LRRC69: variants seen among roughly 807,000 people sequenced by gnomAD.
LRRC69 encodes the protein leucine-rich repeat-containing protein 69.
In LRRC69, 42 loss-of-function variants were observed where a neutral mutation model predicts 37.8. The observed-to-expected ratio is 1.11, with a 90% CI of 0.87 to 1.44. The LOEUF (loss-of-function observed/expected upper bound fraction) is 1.44. Ranked by LOEUF, LRRC69 falls within the 40% of genes most tolerant of loss-of-function variation. The pLI is 0.00. For synonymous variants in LRRC69, 141 were observed against 143.1 expected, an observed-to-expected ratio of 0.99 and a Z score of 0.11; for missense variants, 357 against 401.9, an observed-to-expected ratio of 0.89 and a Z score of 0.96.
At chr8:91,193,103 G>T (rs1809530215) in intron 6 of LRRC69, among the ~76,000 whole-genome samples, 1 of 140,504 alleles carries the variant, frequency 7.1e-6, no homozygotes, top group South Asian at 2.5e-4. Context: ...ATTAAATAGG[G>T]AATCCTTTCC....
chr8:91,172,647 C>G (rs1246853291), intron 5 of LRRC69, among the ~76,000 whole-genome samples: 1 of 151,962 alleles, frequency 6.6e-6, no homozygotes, highest in African/African-American at 2.4e-5. Flanking sequence ...TCCCGAGTAG[C>G]TGGGACTACA....
At chr8:91,137,973 A>G (rs1049382836) in intron 5 of LRRC69, among the ~76,000 whole-genome samples, 2 of 152,044 alleles carry the variant, frequency 1.3e-5, no homozygotes, top group African/African-American at 4.8e-5. Flanking sequence ...AGTCATATAC[A>G]CATGGATTTA....
chr8:91,156,640 T>TA (rs891661073), intron 5 of LRRC69, among the ~76,000 whole-genome samples: 14 of 150,946 alleles, frequency 9.3e-5, no homozygotes, highest in East Asian at 3.9e-4. Flanking sequence ...ATTCTCTTTT[T>TA]AAAAAAAATA....
intron 5 of LRRC69, among the ~76,000 whole-genome samples, chr8:91,187,324 T>C (rs940853890): frequency 1.3e-5 from 2 of 152,246 alleles, no homozygotes; most frequent in Non-Finnish European, 2.9e-5. Context: ...TGAGACTTCA[T>C]GTCTTGCCAC....
intron 5 of LRRC69, chr8:91,157,417 A>T (rs764019450): frequency 6.2e-7 from 1 of 1,607,834 alleles, no homozygotes; most frequent in African/African-American, 1.3e-5. Flanking sequence ...TGTGGATCCC[A>T]CTAAAGATAT....
At chr8:91,182,064 C>T (rs955606226) in intron 5 of LRRC69, among the ~76,000 whole-genome samples, 1 of 152,114 alleles carries the variant, frequency 6.6e-6, no homozygotes, top group African/African-American at 2.4e-5. Flanking sequence ...TATTTTCCAA[C>T]ATTTAAATGA....
intron 1 of LRRC69, among the ~76,000 whole-genome samples, chr8:91,121,986 T>C (rs1374799994): frequency 1.3e-5 from 2 of 152,114 alleles, no homozygotes; most frequent in African/African-American, 2.4e-5. Flanking sequence ...CTTTGACATA[T>C]GATGAAATCT....
intron 1 of LRRC69, among the ~76,000 whole-genome samples, chr8:91,119,428 A>G (rs1353915686): frequency 6.6e-6 from 1 of 151,948 alleles, no homozygotes; most frequent in Non-Finnish European, 1.5e-5. Flanking sequence ...CTTAGTTTTG[A>G]CTTTGAAATC....
At chr8:91,182,172 A>G (rs1306687718) in intron 5 of LRRC69, among the ~76,000 whole-genome samples, 2 of 152,160 alleles carry the variant, frequency 1.3e-5, no homozygotes, top group Admixed American at 1.3e-4. Flanking sequence ...AATTACAACT[A>G]TACAACCCAT....
intron 5 of LRRC69, chr8:91,158,729 A>T: frequency 2.0e-6 from 2 of 986,348 alleles, no homozygotes; most frequent in Non-Finnish European, 3.3e-6. Context: ...TTGTTCTACA[A>T]AATGAAGACA....
chr8:91,188,721 C>T (rs1429837861), intron 5 of LRRC69, among the ~76,000 whole-genome samples: 1 of 152,080 alleles, frequency 6.6e-6, no homozygotes, highest in Non-Finnish European at 1.5e-5. Flanking sequence ...CTTTTCTCTT[C>T]TTATTCTCTT....
chr8:91,135,733 A>T (rs762515288), exon 5 of LRRC69: 4 of 1,433,604 alleles, frequency 2.8e-6, no homozygotes, highest in Non-Finnish European at 3.7e-6. Context: ...AGATATTTCC[A>T]TCAGGAGTAA....
At chr8:91,151,963 G>C (rs10093640) in intron 5 of LRRC69, among the ~76,000 whole-genome samples, 1 of 150,864 alleles carries the variant, frequency 6.6e-6, no homozygotes, top group Non-Finnish European at 1.5e-5. Context: ...AAGTGTGTTC[G>C]TGTCCTTTGC....
chr8:91,197,585 G>T (rs1809634354), intron 6 of LRRC69, among the ~76,000 whole-genome samples: 1 of 152,152 alleles, frequency 6.6e-6, no homozygotes, highest in Non-Finnish European at 1.5e-5. Context: ...CGCAGTATTA[G>T]GGTGGGAGTG....
At position 91,191,049 on chromosome 8, in the gene LRRC69, C is replaced by G. The variant is rs543922051; in HGVS notation, c.753+1426C>G. On this transcript the variant is annotated intron_variant, in intron 6 of 7. Transcript: ENST00000448384. ...GCAGGATCCTGTCTCAAACCCCCCCCCCCCCAAGTCAAAAAGCAACAACAA... is the reference window on the plus strand; with the variant it reads ...GCAGGATCCTGTCTCAAACCCCCCCGCCCCCAAGTCAAAAAGCAACAACAA... 2.8e-4 allele frequency among the ~76,000 whole-genome samples: 41 copies of G among 144,972 alleles called. 1 individual carries two copies. The highest frequency in any genetic ancestry group is 4.9e-4 in the Non-Finnish European group (32 of 65,580).
At chr8:91,173,293 C>T (rs761497852) in intron 5 of LRRC69, among the ~76,000 whole-genome samples, 1 of 151,174 alleles carries the variant, frequency 6.6e-6, no homozygotes, top group Non-Finnish European at 1.5e-5. Context: ...TTTTGAATTG[C>T]CTTAATTATT....
chr8:91,202,328 C>G (rs1283848517), intron 7 of LRRC69, among the ~76,000 whole-genome samples: 1 of 152,218 alleles, frequency 6.6e-6, no homozygotes, highest in African/African-American at 2.4e-5. Context: ...TTAATTTGAT[C>G]ATCTTGGTAA....
chr8:91,129,127 G>A (rs181079378), intron 3 of LRRC69, among the ~76,000 whole-genome samples: 2 of 152,186 alleles, frequency 1.3e-5, no homozygotes, highest in East Asian at 3.9e-4. Context: ...GCAGGTAAGA[G>A]TTTTACACCT....
chr8:91,171,394 G>A (rs1272958098), intron 5 of LRRC69, among the ~76,000 whole-genome samples: 6 of 151,856 alleles, frequency 4.0e-5, no homozygotes, highest in Admixed American at 2.6e-4. Context: ...CCCATAAACC[G>A]ATTTTTACGT....
Sources: gnomAD v4.1 joint callset for allele counts (sites outside exome capture counted in the v4.1 genomes callset) on GRCh38, gnomAD v4.1.1 for gene constraint, MANE v1.5 for transcripts, NCBI Gene and HGNC (gene_info 2026-07-23, HGNC 2026-07-21) for gene names.